KLHL8: variants seen among roughly 807,000 people sequenced by gnomAD.
KLHL8 encodes kelch like family member 8, also known as kelch-like protein 8.
Under a neutral mutation model 63.5 loss-of-function variants are expected in KLHL8, and 38 were observed. That is an observed-to-expected ratio of 0.60 (90% CI 0.46 to 0.78). The LOEUF (loss-of-function observed/expected upper bound fraction) is 0.78, where lower values mean the gene tolerates loss of function less well. Among genes scored for constraint, KLHL8 ranks in the 30% least tolerant of loss-of-function variants. KLHL8 has a pLI of 0.00. For synonymous variants in KLHL8, 224 were observed against 254.3 expected (o/e 0.88, Z 1.13); for missense variants, 566 against 752.4 (o/e 0.75, Z 2.90).
Position 87,169,180 on chromosome 4 carries a change from C to G in KLHL8, c.1537+899G>C, listed in dbSNP as rs922539052. Among the ~76,000 whole-genome samples the G allele has an allele frequency of 2.0e-5, 3 of 152,110 alleles. No homozygotes were observed. In the South Asian group the frequency reaches 6.2e-4, roughly 32 times the overall value. On this transcript the variant is annotated intron_variant, in intron 8 of 9. Coordinates refer to ENST00000273963, the MANE Select transcript of KLHL8 (RefSeq NM_020803.5). ...ATTAGCTGGGCACGGTAGCACACAC[C>G]TGTAATCCCAGTTACTCAGAAGGCT...
intron 1 of KLHL8, among the ~76,000 whole-genome samples, chr4:87,219,354 A>G (rs1273192704): frequency 2.0e-5 from 3 of 152,248 alleles, no homozygotes; most frequent in Non-Finnish European, 4.4e-5. Flanking sequence ...GAACACCAAG[A>G]GTCCAACAAT....
intron 2 of KLHL8, among the ~76,000 whole-genome samples, chr4:87,186,725 G>A (rs892621005): frequency 6.6e-6 from 1 of 151,408 alleles, no homozygotes; most frequent in South Asian, 2.1e-4. Flanking sequence ...AGTGATTCAC[G>A]CACTTTGGCC....
chr4:87,218,915 T>C (rs969199741), intron 1 of KLHL8, among the ~76,000 whole-genome samples: 2 of 152,084 alleles, frequency 1.3e-5, no homozygotes, highest in African/African-American at 2.4e-5. Context: ...TTGTTATTTT[T>C]AGTAGAGATG....
intron 2 of KLHL8, among the ~76,000 whole-genome samples, chr4:87,193,586 A>AT (rs1489821522): frequency 6.6e-6 from 1 of 152,224 alleles, no homozygotes; most frequent in Non-Finnish European, 1.5e-5. Flanking sequence ...TACAAAAACA[A>AT]TAAGAAGTAG....
At chr4:87,210,969 A>G (rs1364045819) in intron 1 of KLHL8, among the ~76,000 whole-genome samples, 4 of 152,188 alleles carry the variant, frequency 2.6e-5, no homozygotes, top group Non-Finnish European at 5.9e-5. Context: ...TTTTGGTCAA[A>G]TTCAAAATAC....
At chr4:87,170,676 T>G in intron 6 of KLHL8, 61 bp from the exon 7 acceptor site, 1 of 1,438,400 alleles carries the variant, frequency 7.0e-7, no homozygotes, top group Non-Finnish European at 9.5e-7. Context: ...AAAAGTCATA[T>G]AAAAAATTGT....
intron 1 of KLHL8, among the ~76,000 whole-genome samples, chr4:87,214,415 GATATATATAT>G (rs58112792): frequency 0.063 from 5,825 of 92,566 alleles, 218 homozygotes; most frequent in South Asian, 0.12. Flanking sequence ...GCACATAACA[GATATATATAT>G]ATATATATAT....
intron 1 of KLHL8, among the ~76,000 whole-genome samples, chr4:87,210,978 A>C (rs1195890585): frequency 1.3e-5 from 2 of 152,188 alleles, no homozygotes; most frequent in Non-Finnish European, 2.9e-5. Flanking sequence ...AATTCAAAAT[A>C]CTTAATACTT....
At chr4:87,207,894 C>A in intron 1 of KLHL8, 2 of 1,504,348 alleles carry the variant, frequency 1.3e-6, no homozygotes, top group Non-Finnish European at 1.8e-6. Context: ...AGGGCCCCCT[C>A]AAGGGCATCC....
chr4:87,209,328 A>G (rs761490508), intron 1 of KLHL8, among the ~76,000 whole-genome samples: 12 of 152,232 alleles, frequency 7.9e-5, no homozygotes, highest in Non-Finnish European at 5.9e-5. Context: ...TTGTCATAAC[A>G]TGCTACAGAT....
At chr4:87,222,403 A>G (rs752426997), upstream of KLHL8, among the ~76,000 whole-genome samples, 1 of 152,114 alleles carries the variant, frequency 6.6e-6, no homozygotes, top group African/African-American at 2.4e-5. Context: ...TCATTGGGTA[A>G]TCATTCTCCT....
intron 1 of KLHL8, among the ~76,000 whole-genome samples, chr4:87,217,514 T>C (rs779662508): frequency 3.3e-5 from 5 of 151,766 alleles, no homozygotes; most frequent in African/African-American, 7.3e-5. Context: ...TTTGTTCGTT[T>C]GTTTGTTTTT....
chr4:87,200,150 A>G (rs930106890), intron 1 of KLHL8, among the ~76,000 whole-genome samples: 38 of 151,398 alleles, frequency 2.5e-4, no homozygotes, highest in Admixed American at 7.2e-4. Flanking sequence ...AAAAAAAAAA[A>G]AAAAAAAAAA....
At chr4:87,232,864 T>G (rs1473191041) in intron 1 of KLHL8, among the ~76,000 whole-genome samples, 1 of 152,158 alleles carries the variant, frequency 6.6e-6, no homozygotes, top group African/African-American at 2.4e-5. Context: ...TTCAATTTGT[T>G]GGTCCATTTT....
chr4:87,199,853 A>C (rs1455211645), intron 1 of KLHL8, among the ~76,000 whole-genome samples: 1 of 151,430 alleles, frequency 6.6e-6, no homozygotes, highest in African/African-American at 2.4e-5. Context: ...AACAAACAAA[A>C]ACCAAAAACA....
At chr4:87,232,309 TTTCTTA>T in intron 1 of KLHL8, among the ~76,000 whole-genome samples, 1 of 152,362 alleles carries the variant, frequency 6.6e-6, no homozygotes, top group African/African-American at 2.4e-5. Context: ...CCAATCTGCT[TTTCTTA>T]TTCTTATTGT....
chr4:87,237,746 G>C (rs1029561002), intron 1 of KLHL8, among the ~76,000 whole-genome samples: 3 of 152,142 alleles, frequency 2.0e-5, no homozygotes, highest in African/African-American at 7.2e-5. Flanking sequence ...AGGATAACTT[G>C]AGCCTGGGAG....
chr4:87,200,639 G>A (rs1454580835), intron 1 of KLHL8, among the ~76,000 whole-genome samples: 1 of 152,126 alleles, frequency 6.6e-6, no homozygotes, highest in African/African-American at 2.4e-5. Context: ...AAAGAAAGAA[G>A]TGTTGGCAAG....
intron 1 of KLHL8, among the ~76,000 whole-genome samples, chr4:87,198,517 T>C (rs1424547710): frequency 1.3e-5 from 2 of 152,150 alleles, no homozygotes; most frequent in Non-Finnish European, 2.9e-5. Context: ...TATTGAAACA[T>C]GTAACAACCG....
Sources: allele counts gnomAD v4.1 joint callset (sites outside exome capture counted in the v4.1 genomes callset), GRCh38; gene constraint gnomAD v4.1.1; transcripts MANE v1.5; gene names NCBI Gene and HGNC (gene_info 2026-07-23, HGNC 2026-07-21).